Variants in PZP observed in about 807,000 individuals in gnomAD.
The protein encoded by PZP is pregnancy zone protein.
PZP carries 150 observed loss-of-function variants against 179.8 expected under a neutral mutation model. The observed-to-expected ratio is 0.83, with a 90% CI of 0.73 to 0.96. PZP has a LOEUF of 0.96. PZP is among the 40% of genes least tolerant of loss of function. The pLI is 0.00. For missense variants in PZP, 1,689 were observed against 1,764.0 expected, an observed-to-expected ratio of 0.96 and a Z score of 0.76; for synonymous variants, 624 against 652.3, an observed-to-expected ratio of 0.96 and a Z score of 0.66.
chr12:9,158,458 A>G lies in PZP; in HGVS notation c.3256T>C (p.Phe1086Leu), dbSNP rs1940922842. The G allele has an allele frequency of 1.9e-6, 3 of 1,614,164 alleles. No homozygotes were observed. In the East Asian group the frequency reaches 6.7e-5, roughly 36 times the overall value. ...TTGAGCAGTGACCCAGAGCTCCTGA[A>G]ACAGCCATTGTCCTTCTGCATCTGG... ...LSQMQKDNGC[F>L]RSSGSLLNNA... is the part of the protein sequence containing the mutation. Residue 1086 changes from phenylalanine to leucine, a missense_variant, in exon 26 of 36, where the codon TTC becomes CTC. Transcript: ENST00000261336.
In PZP at chr12:9,194,155, AT is replaced by A; in HGVS notation, c.1175del (p.Asn392MetfsTer42). ...CAAGACCCTGCTCATTGGTGGTTGCATTGGAGTAATAATTGGCGTCATTCAC... is the reference window on the plus strand; with the variant it reads ...CAAGACCCTGCTCATTGGTGGTTGCATGGAGTAATAATTGGCGTCATTCAC... The part of the protein sequence containing the change: ...ISVNDANYYS[N>X]ATTNEQGLAQ... On this transcript the variant is annotated frameshift_variant, in exon 11 of 36. Coordinates refer to ENST00000261336, the MANE Select transcript of PZP (RefSeq NM_002864.3). LOFTEE classifies it high-confidence loss of function. 1 of 1,614,034 alleles carries A rather than the reference AT, an allele frequency of 6.2e-7. No homozygotes were observed. Among genetic ancestry groups the A allele is most frequent in the Non-Finnish European group, 8.5e-7 (1 of 1,179,928 alleles).
chr12:9,142,691 A>G, the PZP span, among the ~76,000 whole-genome samples: 3 of 152,268 alleles, frequency 2.0e-5, no homozygotes, highest in Admixed American at 2.0e-4. Flanking sequence ...TTTTTTTCTA[A>G]TTTTCCAATT....
In PZP at chr12:9,192,607, T is replaced by C. The variant is rs769226845; in HGVS notation, c.1387A>G (p.Thr463Ala). The part of the protein sequence containing the change: ...SYIHLEPVAG[T>A]LPCGHTETIT... ...GTCTCCGTGTGGCCACAGGGCAGGG[T>C]ACCAGCCACAGGCTCCAGGTGAATG... The change falls in exon 12 of 36, where the codon ACC becomes GCC. Residue 463 changes from threonine (T) to alanine (A), a missense_variant. By Grantham distance (58) the Thr-to-Ala change is moderately conservative. Coordinates refer to ENST00000261336, the MANE Select transcript of PZP (RefSeq NM_002864.3). The C allele has an allele frequency of 1.2e-6, 2 of 1,614,162 alleles. No homozygotes were observed. The highest frequency in any genetic ancestry group is 1.7e-6 in the Non-Finnish European group (2 of 1,180,010).
intron 13 of PZP, among the ~76,000 whole-genome samples, chr12:9,187,596 A>G (rs1943204027): frequency 6.6e-6 from 1 of 152,232 alleles, no homozygotes; most frequent in African/African-American, 2.4e-5. Flanking sequence ...GTAAATAATG[A>G]AATTTTGGCA....
chr12:9,187,058 A>T (rs1943169222), intron 13 of PZP, among the ~76,000 whole-genome samples: 1 of 133,382 alleles, frequency 7.5e-6, no homozygotes, highest in African/African-American at 2.7e-5. Context: ...GACAAAACAG[A>T]CTTTAAACCA....
Position 9,157,925 on chromosome 12 carries a change from G to C in PZP, c.3295-84C>G. ...TGTTGTTTGATGGAAACGCTCCTCA[G>C]TATCTGTTTCCATTCAAAGTATACC... On this transcript the variant is annotated intron_variant, in intron 26 of 35. Transcript: ENST00000261336. The C allele has an allele frequency of 2.7e-6, 3 of 1,114,800 alleles. No individual in the cohort carries two copies. In the South Asian group the frequency reaches 4.0e-5, roughly 15 times the overall value. The allele number at this position is 1,114,800 out of a possible 1,614,324, so 69.1% of individuals were successfully genotyped here.
intron 29 of PZP, 74 bp downstream of exon 29, chr12:9,154,542 A>AT: frequency 7.4e-7 from 1 of 1,355,848 alleles, no homozygotes; most frequent in Non-Finnish European, 1.0e-6. Flanking sequence ...TCTCTTTTCC[A>AT]TTAACTGTTC....
chr12:9,157,397 G>T, intron 27 of PZP, 42 bp from the exon 28 acceptor site: 1 of 1,575,896 alleles, frequency 6.3e-7, no homozygotes, highest in Non-Finnish European at 8.7e-7. Flanking sequence ...AGGGTGAATA[G>T]AGGGCAGAGC....
rs1944545770 is a variant in PZP, at chr12:9,208,355, T to A, written c.-14A>T. On this transcript the variant is annotated 5_prime_UTR_variant, in exon 1 of 36. Coordinates refer to ENST00000261336, the MANE Select transcript of PZP (RefSeq NM_002864.3). ...GTCTTTCCGCATTGTGAGGGATAAA[T>A]CTCAGGGTTGTGTCCAACTCTCTGC... The A allele has an allele frequency of 6.2e-7, 1 of 1,607,710 alleles. No individual in the cohort carries two copies. The highest frequency in any genetic ancestry group is 2.2e-5 in the East Asian group (1 of 44,800).
At chr12:9,190,504 G>A (rs1022310104) in intron 13 of PZP, among the ~76,000 whole-genome samples, 1 of 152,094 alleles carries the variant, frequency 6.6e-6, no homozygotes, top group African/African-American at 2.4e-5. Context: ...GAGGGTGGAG[G>A]GCGGGAGGAG....
At chr12:9,206,404 A>G (rs1944442947) in intron 1 of PZP, among the ~76,000 whole-genome samples, 1 of 152,192 alleles carries the variant, frequency 6.6e-6, no homozygotes. Flanking sequence ...TTGAAATCAG[A>G]ACAAATCCAG....
intron 4 of PZP, 145 bp from the exon 5 acceptor site, chr12:9,201,492 G>A: frequency 1.7e-6 from 1 of 601,874 alleles, no homozygotes; most frequent in Non-Finnish European, 2.9e-6. Flanking sequence ...AAAAATCTCA[G>A]GGAAATTATT....
At chr12:9,150,034 T>G (rs945597534) in intron 34 of PZP, among the ~76,000 whole-genome samples, 2 of 152,348 alleles carry the variant, frequency 1.3e-5, no homozygotes, top group African/African-American at 4.8e-5. Context: ...TTCTTCCTGT[T>G]TGTTCTTCCT....
intron 10 of PZP, among the ~76,000 whole-genome samples, chr12:9,195,960 T>C (rs575962492): frequency 1.1e-3 from 170 of 152,100 alleles, no homozygotes; most frequent in Non-Finnish European, 1.1e-3. Flanking sequence ...TCAACAGATA[T>C]AAAAAGAACA....
downstream of PZP, among the ~76,000 whole-genome samples, chr12:9,144,177 G>GAGAGAGAGAC (rs375960663): frequency 2.6e-5 from 4 of 152,204 alleles, no homozygotes; most frequent in South Asian, 8.3e-4. Context: ...GAGAGAGAGA[G>GAGAGAGAGAC]AGAGAGAGAC....
intron 10 of PZP, 60 bp from the exon 11 acceptor site, chr12:9,194,298 T>C: frequency 6.7e-7 from 1 of 1,497,082 alleles, no homozygotes; most frequent in Non-Finnish European, 9.1e-7. Context: ...ACTGAACTCA[T>C]GTGAACAAAT....
At position 9,192,521 on chromosome 12, in the gene PZP, G is replaced by A; in HGVS notation, c.1473C>T (p.Phe491=). The change falls in exon 12 of 36, where the codon TTC becomes TTT. Residue 491 remains phenylalanine (F), a synonymous_variant. Transcript: ENST00000261336. ...QAMGELSELS[F]HYLIMAKGVI... ...ATGGCCTCATTCTTACCAGGTAATG[G>A]AAACTGAGCTCCGATAACTCTCCCA... 2 of 1,612,668 alleles carry A rather than the reference G, an allele frequency of 1.2e-6. No individual in the cohort carries two copies. The highest frequency in any genetic ancestry group is 1.7e-6 in the Non-Finnish European group (2 of 1,178,772).
At chr12:9,142,659 G>T in the PZP span, among the ~76,000 whole-genome samples, 2 of 152,132 alleles carry the variant, frequency 1.3e-5, no homozygotes, top group Non-Finnish European at 2.9e-5. Flanking sequence ...ACAACCAGAA[G>T]AAAATCCAGT....
intron 7 of PZP, 116 bp from the exon 8 acceptor site, chr12:9,197,239 C>T: frequency 1.5e-6 from 1 of 666,814 alleles, no homozygotes; most frequent in Non-Finnish European, 2.6e-6. Context: ...CATCTGGGTG[C>T]CCACCAAGTA....
Sources: gnomAD v4.1 joint callset for allele counts (sites outside exome capture counted in the v4.1 genomes callset) on GRCh38, gnomAD v4.1.1 for gene constraint, MANE v1.5 for transcripts, NCBI Gene and HGNC (gene_info 2026-07-23, HGNC 2026-07-21) for gene names.